SMAD3: variants seen among roughly 807,000 people sequenced by gnomAD.
The protein encoded by SMAD3 is MAD homolog 3.
SMAD3 carries 12 observed loss-of-function variants against 51.8 expected under a neutral mutation model. The observed-to-expected ratio is 0.23, with a 90% CI of 0.15 to 0.38. The LOEUF (loss-of-function observed/expected upper bound fraction) is 0.38. Among genes scored for constraint, SMAD3 ranks in the 10% least tolerant of loss-of-function variants. The pLI, the probability that SMAD3 is intolerant of heterozygous loss-of-function variation, is 1.00. For missense variants in SMAD3, 294 were observed against 565.6 expected, an observed-to-expected ratio of 0.52 and a Z score of 4.87; for synonymous variants, 238 against 227.7, an observed-to-expected ratio of 1.05 and a Z score of -0.41.
rs999666468 is a variant in SMAD3 at position 67,165,452 on chromosome 15, G to C, written c.532+68G>C. ...AGCGGTCAGCCCCGACATCAGTCCT[G>C]TGGCCCCAATCTCTGCCCCCTGGCC... On this transcript the variant is annotated intron_variant, in intron 3 of 8. Coordinates refer to ENST00000327367, the MANE Select transcript of SMAD3 (RefSeq NM_005902.4). 41 of 1,585,252 alleles carry C rather than the reference G, an allele frequency of 2.6e-5. No individual in the cohort carries two copies. The East Asian group carries it at 8.7e-4, about 34-fold the overall frequency.
At chr15:67,174,089 G>C (rs1298675283) in intron 5 of SMAD3, among the ~76,000 whole-genome samples, 1 of 152,188 alleles carries the variant, frequency 6.6e-6, no homozygotes, top group Non-Finnish European at 1.5e-5. Context: ...TGAGAGAAGG[G>C]GTTTGGTGGT....
At chr15:67,187,536 G>C in intron 8 of SMAD3, 27 bp downstream of exon 8, 1 of 1,613,954 alleles carries the variant, frequency 6.2e-7, no homozygotes, top group East Asian at 2.2e-5. Flanking sequence ...GCCTACATCA[G>C]GGGACCCAAC....
At chr15:67,085,899 C>T (rs1205833911) in intron 1 of SMAD3, among the ~76,000 whole-genome samples, 1 of 32,442 alleles carries the variant, frequency 3.1e-5, no homozygotes, top group African/African-American at 9.0e-5. Flanking sequence ...CACACACACA[C>T]ATACACAGAG....
intron 1 of SMAD3, among the ~76,000 whole-genome samples, chr15:67,111,308 C>T (rs547620293): frequency 6.6e-6 from 1 of 152,338 alleles, no homozygotes; most frequent in South Asian, 2.1e-4. Context: ...CCATTTGTAG[C>T]ATGTGTCAGT....
chr15:67,104,240 TATTACAAGG>T (rs1465822597), intron 1 of SMAD3, among the ~76,000 whole-genome samples: 6 of 152,152 alleles, frequency 3.9e-5, no homozygotes, highest in Admixed American at 3.9e-4. Context: ...CAATGCTTGG[TATTACAAGG>T]TGCTCACTGA....
At chr15:67,098,951 T>C (rs769106246) in intron 1 of SMAD3, 5 of 702,330 alleles carry the variant, frequency 7.1e-6, no homozygotes, top group Non-Finnish European at 1.3e-5. Context: ...GACAGTGTTC[T>C]GAAATGCTTC....
chr15:67,183,830 T>C (rs989324516), intron 6 of SMAD3, among the ~76,000 whole-genome samples: 1 of 152,068 alleles, frequency 6.6e-6, no homozygotes, highest in Non-Finnish European at 1.5e-5. Flanking sequence ...GTAAATGATA[T>C]AAACCTCTGG....
At chr15:67,142,633 C>T (rs529875756) in intron 1 of SMAD3, 13 of 277,942 alleles carry the variant, frequency 4.7e-5, no homozygotes, top group African/African-American at 2.9e-4. Flanking sequence ...AGAGAATGGA[C>T]ATCTGGTTTG....
chr15:67,147,801 C>T (rs1962019898), intron 1 of SMAD3, among the ~76,000 whole-genome samples: 1 of 152,218 alleles, frequency 6.6e-6, no homozygotes, highest in African/African-American at 2.4e-5. Flanking sequence ...GCAACCTCCT[C>T]TCTCAGGAAG....
At chr15:67,071,077 G>A (rs1254990666) in intron 1 of SMAD3, among the ~76,000 whole-genome samples, 2 of 152,166 alleles carry the variant, frequency 1.3e-5, no homozygotes, top group Admixed American at 1.3e-4. Context: ...TTGCCCAAAG[G>A]TATGAGGCAT....
At chr15:67,187,044 C>T (rs780256626) in intron 7 of SMAD3, 1 of 521,458 alleles carries the variant, frequency 1.9e-6, no homozygotes, top group Non-Finnish European at 3.7e-6. Context: ...TCCACACCAT[C>T]TCCCTATTTT....
chr15:67,079,637 G>A (rs1291939007), intron 1 of SMAD3, among the ~76,000 whole-genome samples: 1 of 152,134 alleles, frequency 6.6e-6, no homozygotes, highest in African/African-American at 2.4e-5. Context: ...GTATGCCAGA[G>A]GGGGTGATCT....
chr15:67,085,176 C>T (rs183156645), intron 1 of SMAD3, among the ~76,000 whole-genome samples: 4 of 152,276 alleles, frequency 2.6e-5, no homozygotes, highest in East Asian at 3.9e-4. Context: ...TGAAAGCATA[C>T]GGCTCAGTAA....
intron 1 of SMAD3, 29 bp downstream of exon 1, chr15:67,066,389 G>T (rs1959918655): frequency 6.3e-7 from 1 of 1,589,494 alleles, no homozygotes; most frequent in African/African-American, 1.3e-5. Context: ...GGGACCCGGG[G>T]TCACGCCGGC....
intron 1 of SMAD3, among the ~76,000 whole-genome samples, chr15:67,101,699 G>T (rs140121342): frequency 7.8e-4 from 119 of 152,336 alleles, no homozygotes; most frequent in African/African-American, 2.8e-3. Context: ...GGAATGACAA[G>T]ATCGAGATTG....
rs1260893354 is a variant in SMAD3 at position 67,088,636 on chromosome 15, AGGGGATGCTAAGGCCGGGTGCGGT to A, written c.206+22279_206+22302del. ...AGGGGGCAGCTGCTCTAGGGTGGGA[AGGGGATGCTAAGGCCGGGTGCGGT>A]GGCTCACGCCTGTAATCCCAGCACT... On this transcript the variant is annotated intron_variant, in intron 1 of 8. Transcript: ENST00000327367. Among the ~76,000 whole-genome samples the A allele has an allele frequency of 2.0e-5, 3 of 152,242 alleles. No individual in the cohort carries two copies. In the South Asian group the frequency reaches 6.2e-4, roughly 32 times the overall value.
Position 67,190,369 on chromosome 15 carries a change from AT to A in SMAD3, c.1155-38del, listed in dbSNP as rs777082192. On this transcript the variant is annotated intron_variant, in intron 8 of 8. Transcript: ENST00000327367. ...TTCTGACTTGTGTAACCCCCTGGAG[AT>A]TTTTTAAGTCCCCCACCCCACCCCT... 6.9e-6 allele frequency: 11 copies of A among 1,596,460 alleles called. No homozygotes were observed. The South Asian group carries it at 1.1e-4, about 16-fold the overall frequency.
At chr15:67,098,019 C>T (rs1431830398) in intron 1 of SMAD3, among the ~76,000 whole-genome samples, 1 of 152,162 alleles carries the variant, frequency 6.6e-6, no homozygotes, top group African/African-American at 2.4e-5. Flanking sequence ...CCATTCCCTA[C>T]TAAGCCTTGG....
At chr15:67,069,727 G>A (rs1313459332) in intron 1 of SMAD3, among the ~76,000 whole-genome samples, 3 of 151,320 alleles carry the variant, frequency 2.0e-5, no homozygotes, top group Non-Finnish European at 2.9e-5. Context: ...TTTTTTTGGA[G>A]ACAGAGTCTT....
Sources: gnomAD v4.1 joint callset for allele counts (sites outside exome capture counted in the v4.1 genomes callset) on GRCh38, gnomAD v4.1.1 for gene constraint, MANE v1.5 for transcripts, NCBI Gene and HGNC (gene_info 2026-07-23, HGNC 2026-07-21) for gene names.